Variants in PRELID2 observed in about 807,000 individuals in gnomAD.
The protein encoded by PRELID2 is PRELI domain containing 2.
Under a neutral mutation model 28.4 loss-of-function variants are expected in PRELID2, and 25 were observed. The ratio of observed to expected loss-of-function variants is 0.88; its 90% CI spans 0.64 to 1.23. The LOEUF (loss-of-function observed/expected upper bound fraction) is 1.23. PRELID2 is among the 50% of genes most tolerant of loss of function. The pLI, the probability that PRELID2 is intolerant of heterozygous loss-of-function variation, is 0.00. For synonymous variants in PRELID2, 76 were observed against 71.6 expected, an observed-to-expected ratio of 1.06 and a Z score of -0.31; for missense variants, 201 against 214.4, an observed-to-expected ratio of 0.94 and a Z score of 0.39.
chr5:145,719,180 G>GA (rs1755920720), intron 1 of PRELID2, among the ~76,000 whole-genome samples: 1 of 151,998 alleles, frequency 6.6e-6, no homozygotes, highest in Admixed American at 6.6e-5. Flanking sequence ...CATTTGTAGA[G>GA]AATGTGGGAA....
the PRELID2 span, among the ~76,000 whole-genome samples, chr5:145,406,335 T>A: frequency 3.9e-5 from 6 of 152,334 alleles, no homozygotes; most frequent in South Asian, 1.0e-3. Flanking sequence ...GGTTTTTATG[T>A]CTTTAATGTT....
At chr5:145,539,347 C>A (rs1752728399) in intron 1 of PRELID2, among the ~76,000 whole-genome samples, 1 of 152,032 alleles carries the variant, frequency 6.6e-6, no homozygotes. Context: ...TCAGACACAA[C>A]CAGGGATTTA....
At chr5:145,392,192 G>A in the PRELID2 span, among the ~76,000 whole-genome samples, 1 of 152,160 alleles carries the variant, frequency 6.6e-6, no homozygotes, top group Non-Finnish European at 1.5e-5. Flanking sequence ...TTGAGACTGG[G>A]TAATTTATAA....
chr5:145,622,911 A>G (rs994661693), intron 1 of PRELID2, among the ~76,000 whole-genome samples: 4 of 152,096 alleles, frequency 2.6e-5, no homozygotes, highest in African/African-American at 9.6e-5. Flanking sequence ...GTGGCTAGAT[A>G]TAAGACATAT....
At chr5:145,322,654 C>T in the PRELID2 span, among the ~76,000 whole-genome samples, 1 of 152,220 alleles carries the variant, frequency 6.6e-6, no homozygotes, top group Non-Finnish European at 1.5e-5. Context: ...AGAAATAGCA[C>T]TGTCCTTGGC....
chr5:145,682,805 G>T (rs899664044), intron 1 of PRELID2, among the ~76,000 whole-genome samples: 7 of 152,074 alleles, frequency 4.6e-5, no homozygotes. Context: ...AATGACCATC[G>T]AGGTTGATCA....
At chr5:145,828,104 A>C (rs1466127146) in intron 1 of PRELID2, among the ~76,000 whole-genome samples, 2 of 152,248 alleles carry the variant, frequency 1.3e-5, no homozygotes, top group Non-Finnish European at 2.9e-5. Context: ...GAAAACAGTG[A>C]ATTTTAGAGC....
the PRELID2 span, among the ~76,000 whole-genome samples, chr5:145,260,350 GA>G: frequency 7.3e-5 from 11 of 151,210 alleles, no homozygotes; most frequent in Non-Finnish European, 8.9e-5. Flanking sequence ...ACTAAAGACA[GA>G]AAAAAAAATC....
chr5:145,784,782 CTTTG>C (rs1291575781), intron 5 of PRELID2, among the ~76,000 whole-genome samples: 1 of 56,140 alleles, frequency 1.8e-5, no homozygotes, highest in African/African-American at 7.3e-5. Context: ...ATAATCCCAA[CTTTG>C]TTTTTTTTTT....
intron 4 of PRELID2, among the ~76,000 whole-genome samples, chr5:145,816,076 C>CTTTTTT (rs1191298938): frequency 2.2e-5 from 2 of 89,048 alleles, no homozygotes; most frequent in African/African-American, 4.7e-5. Flanking sequence ...TATTGTGTGT[C>CTTTTTT]TTTTTTTTTT....
chr5:145,373,947 ATAT>A, the PRELID2 span, among the ~76,000 whole-genome samples: 2 of 142,746 alleles, frequency 1.4e-5, no homozygotes, highest in Admixed American at 7.4e-5. Flanking sequence ...AATATATATG[ATAT>A]TATATGTTAT....
rs561981090 is a variant in PRELID2 at position 145,771,235 on chromosome 5, TA to T, written c.475-6236del. On this transcript the variant is annotated intron_variant, in intron 5 of 6. Transcript: ENST00000683046. Reference sequence around the variant, plus strand: ...CAATTGCCTACAGTATTCAGTACAGTACATGAGTACAGATTTATAGCCTAGG... The same window carrying T: ...CAATTGCCTACAGTATTCAGTACAGTCATGAGTACAGATTTATAGCCTAGG... Among the ~76,000 whole-genome samples, 3 of 152,264 alleles carry T rather than the reference TA, an allele frequency of 2.0e-5. No individual in the cohort carries two copies. In the South Asian group the frequency reaches 6.2e-4, roughly 32 times the overall value.
the PRELID2 span, among the ~76,000 whole-genome samples, chr5:145,263,703 C>T: frequency 6.6e-6 from 1 of 152,004 alleles, no homozygotes; most frequent in Admixed American, 6.6e-5. Flanking sequence ...TTCAAGGCTA[C>T]TATGAACACC....
At chr5:145,707,984 T>G (rs1755592583) in intron 1 of PRELID2, among the ~76,000 whole-genome samples, 1 of 152,202 alleles carries the variant, frequency 6.6e-6, no homozygotes, top group Non-Finnish European at 1.5e-5. Flanking sequence ...GCCTGGCACA[T>G]AGCAAACACT....
chr5:145,763,020 G>C (rs1757545944), intron 6 of PRELID2, among the ~76,000 whole-genome samples: 2 of 152,208 alleles, frequency 1.3e-5, no homozygotes, highest in Admixed American at 6.5e-5. Context: ...TACTGAATCA[G>C]AACTTGGGGA....
chr5:145,599,538 C>T (rs1293786365), intron 1 of PRELID2, among the ~76,000 whole-genome samples: 2 of 152,150 alleles, frequency 1.3e-5, no homozygotes, highest in Non-Finnish European at 1.5e-5. Context: ...TGGTTACCCC[C>T]TTTTCAGCAC....
At chr5:145,292,804 C>A in the PRELID2 span, among the ~76,000 whole-genome samples, 1 of 151,962 alleles carries the variant, frequency 6.6e-6, no homozygotes, top group African/African-American at 2.4e-5. Context: ...ATATTCTGGG[C>A]TCAAGTGATT....
At chr5:145,702,896 A>G (rs1186573803) in intron 1 of PRELID2, among the ~76,000 whole-genome samples, 3 of 152,236 alleles carry the variant, frequency 2.0e-5, no homozygotes, top group Admixed American at 1.3e-4. Flanking sequence ...AAAATGTTAA[A>G]GGTAGATCTT....
chr5:145,638,607 A>T (rs1353735461), intron 1 of PRELID2, among the ~76,000 whole-genome samples: 1 of 152,212 alleles, frequency 6.6e-6, no homozygotes, highest in Non-Finnish European at 1.5e-5. Flanking sequence ...TGAGTGAAGG[A>T]CAGTGCCATT....
Sources: allele counts gnomAD v4.1 joint callset (sites outside exome capture counted in the v4.1 genomes callset), GRCh38; gene constraint gnomAD v4.1.1; transcripts MANE v1.5; gene names NCBI Gene and HGNC (gene_info 2026-07-23, HGNC 2026-07-21).